PTPRT: variants seen among roughly 807,000 people sequenced by gnomAD.
PTPRT encodes protein tyrosine phosphatase receptor type T.
PTPRT carries 56 observed loss-of-function variants against 176.8 expected under a neutral mutation model. That is an observed-to-expected ratio of 0.32 (90% CI 0.26 to 0.40). The LOEUF is 0.40. Among genes scored for constraint, PTPRT ranks in the 10% least tolerant of loss-of-function variants. The pLI, the probability that PTPRT is intolerant of heterozygous loss-of-function variation, is 1.00. For synonymous variants in PTPRT, 783 were observed against 739.0 expected (o/e 1.06, Z -0.96); for missense variants, 1,540 against 1,908.2 (o/e 0.81, Z 3.60).
intron 9 of PTPRT, among the ~76,000 whole-genome samples, chr20:42,389,068 T>C (rs1212162163): frequency 2.0e-5 from 3 of 148,044 alleles, no homozygotes; most frequent in African/African-American, 5.0e-5. Flanking sequence ...TAGGTGGGAA[T>C]TGAACAATGA....
intron 7 of PTPRT, among the ~76,000 whole-genome samples, chr20:42,527,196 C>T (rs2072291009): frequency 6.6e-6 from 1 of 151,942 alleles, no homozygotes; most frequent in Non-Finnish European, 1.5e-5. Flanking sequence ...ATCTCCTGAC[C>T]TCGTGATCCG....
chr20:42,286,602 A>G (rs995569974), intron 12 of PTPRT, among the ~76,000 whole-genome samples: 2 of 151,992 alleles, frequency 1.3e-5, no homozygotes, highest in Non-Finnish European at 2.9e-5. Flanking sequence ...TAAGAGACAT[A>G]AATGTAAAAC....
chr20:42,641,767 C>T (rs1240031913), intron 7 of PTPRT, among the ~76,000 whole-genome samples: 1 of 152,056 alleles, frequency 6.6e-6, no homozygotes, highest in Non-Finnish European at 1.5e-5. Flanking sequence ...TAAAGAGAGG[C>T]AAGGCAAAGG....
chr20:43,076,342 T>C (rs1235915442), intron 1 of PTPRT, among the ~76,000 whole-genome samples: 2 of 151,952 alleles, frequency 1.3e-5, no homozygotes, highest in Non-Finnish European at 2.9e-5. Flanking sequence ...ATGTACAACA[T>C]GAAACTAAAA....
At chr20:42,309,752 G>A (rs1168710997) in intron 12 of PTPRT, among the ~76,000 whole-genome samples, 1 of 152,144 alleles carries the variant, frequency 6.6e-6, no homozygotes, top group Non-Finnish European at 1.5e-5. Context: ...ATTATTAGGT[G>A]TCTATTATGT....
intron 16 of PTPRT, among the ~76,000 whole-genome samples, chr20:42,162,459 T>C (rs1452120901): frequency 6.6e-6 from 1 of 152,236 alleles, no homozygotes; most frequent in African/African-American, 2.4e-5. Context: ...CTGTTCCCCT[T>C]GGACGACTAG....
chr20:42,162,646 G>A (rs1989654898), intron 16 of PTPRT, among the ~76,000 whole-genome samples: 1 of 152,254 alleles, frequency 6.6e-6, no homozygotes, highest in Non-Finnish European at 1.5e-5. Context: ...ACTGCCAGCT[G>A]CAGCAGTTAA....
At chr20:42,976,020 A>G (rs1170203865) in intron 1 of PTPRT, among the ~76,000 whole-genome samples, 1 of 145,712 alleles carries the variant, frequency 6.9e-6, no homozygotes, top group Admixed American at 6.6e-5. Flanking sequence ...AAATCCCTGC[A>G]AGGCCAGCGT....
chr20:42,596,671 G>A (rs1346987982), intron 7 of PTPRT, among the ~76,000 whole-genome samples: 1 of 152,104 alleles, frequency 6.6e-6, no homozygotes, highest in Non-Finnish European at 1.5e-5. Context: ...CCAAAAATAG[G>A]CAAAGGCCAT....
intron 15 of PTPRT, among the ~76,000 whole-genome samples, chr20:42,230,984 A>C (rs1441471285): frequency 6.6e-6 from 1 of 152,104 alleles, no homozygotes. Flanking sequence ...GCTACCTCTG[A>C]TGCAGCAGCT....
the PTPRT span, among the ~76,000 whole-genome samples, chr20:42,051,000 A>C: frequency 6.6e-6 from 1 of 152,380 alleles, no homozygotes; most frequent in Non-Finnish European, 1.5e-5. Flanking sequence ...GGTGAGAACT[A>C]AATGGGAGAA....
At chr20:42,801,364 C>T (rs2077528724) in intron 2 of PTPRT, among the ~76,000 whole-genome samples, 1 of 152,172 alleles carries the variant, frequency 6.6e-6, no homozygotes, top group African/African-American at 2.4e-5. Flanking sequence ...GCTTTCTCCC[C>T]TGGCTTCTCT....
chr20:42,683,746 A>G (rs1456702341), intron 6 of PTPRT, among the ~76,000 whole-genome samples: 3 of 152,220 alleles, frequency 2.0e-5, no homozygotes, highest in African/African-American at 4.8e-5. Flanking sequence ...CTGAGGATCA[A>G]AAAGGACTAC....
At chr20:42,364,376 A>C (rs546168170) in intron 9 of PTPRT, among the ~76,000 whole-genome samples, 1 of 152,066 alleles carries the variant, frequency 6.6e-6, no homozygotes, top group East Asian at 1.9e-4. Flanking sequence ...AACGAAAGGG[A>C]GGGCATGTTG....
chr20:42,169,786 A>ACC (rs1479752447), intron 16 of PTPRT, among the ~76,000 whole-genome samples: 1 of 137,582 alleles, frequency 7.3e-6, no homozygotes, highest in African/African-American at 2.9e-5. Flanking sequence ...ACACACACAC[A>ACC]CACACAACAG....
At chr20:43,159,122 G>A (rs1600758521) in intron 1 of PTPRT, among the ~76,000 whole-genome samples, 1 of 152,192 alleles carries the variant, frequency 6.6e-6, no homozygotes, top group East Asian at 1.9e-4. Flanking sequence ...TCTCAAGCCA[G>A]TTATCGCTGT....
intron 3 of PTPRT, among the ~76,000 whole-genome samples, chr20:42,783,866 G>C (rs983722919): frequency 1.8e-4 from 27 of 152,294 alleles, no homozygotes; most frequent in Non-Finnish European, 1.6e-4. Flanking sequence ...AGGCAGGGGA[G>C]TAGGGATGGG....
intron 6 of PTPRT, among the ~76,000 whole-genome samples, chr20:42,733,211 ACT>A (rs1569119600): frequency 6.6e-6 from 1 of 152,172 alleles, no homozygotes; most frequent in African/African-American, 2.4e-5. Context: ...AAACAAGGTA[ACT>A]CAGTCTTAGA....
intron 1 of PTPRT, among the ~76,000 whole-genome samples, chr20:42,944,227 G>A (rs181333976): frequency 6.6e-6 from 1 of 152,072 alleles, no homozygotes; most frequent in African/African-American, 2.4e-5. Flanking sequence ...GGATTTTAGA[G>A]CCGGGGGGCG....
Sources: allele counts gnomAD v4.1 joint callset (sites outside exome capture counted in the v4.1 genomes callset), GRCh38; gene constraint gnomAD v4.1.1; transcripts MANE v1.5; gene names NCBI Gene and HGNC (gene_info 2026-07-23, HGNC 2026-07-21).